The following INPP4B variants were observed in gnomAD, a reference collection of about 807,000 sequenced individuals.
The protein encoded by INPP4B is inositol polyphosphate 4-phosphatase type II.
In INPP4B, 55 loss-of-function variants were observed where a neutral mutation model predicts 122.5. The ratio of observed to expected loss-of-function variants is 0.45; its 90% CI spans 0.36 to 0.56. The LOEUF is 0.56. Ranked by LOEUF, INPP4B falls within the 20% of genes least tolerant of loss-of-function variation. INPP4B has a pLI of 0.00. For synonymous variants in INPP4B, 403 were observed against 388.7 expected (o/e 1.04, Z -0.43); for missense variants, 1,000 against 1,097.7 (o/e 0.91, Z 1.26).
At chr4:142,556,998 TGTCGTGAC>T (rs1400161256) in intron 2 of INPP4B, among the ~76,000 whole-genome samples, 1 of 152,186 alleles carries the variant, frequency 6.6e-6, no homozygotes, top group African/African-American at 2.4e-5. Context: ...AAAGCTGCCC[TGTCGTGAC>T]CACCGGAGGA....
At chr4:142,760,461 A>G (rs1289092752) in intron 1 of INPP4B, among the ~76,000 whole-genome samples, 1 of 152,172 alleles carries the variant, frequency 6.6e-6, no homozygotes, top group Non-Finnish European at 1.5e-5. Context: ...GACCAGCTGT[A>G]TACTTGAAGC....
chr4:142,343,095 T>C (rs1462567206), intron 7 of INPP4B, among the ~76,000 whole-genome samples: 4 of 152,094 alleles, frequency 2.6e-5, no homozygotes, highest in African/African-American at 9.7e-5. Flanking sequence ...TAAAATTTCA[T>C]CCATCCTCCA....
chr4:142,410,390 C>A (rs1477278128), intron 5 of INPP4B, among the ~76,000 whole-genome samples: 2 of 152,172 alleles, frequency 1.3e-5, no homozygotes, highest in East Asian at 3.9e-4. Flanking sequence ...TTTTCTCTTG[C>A]CTCACTCTTA....
Position 142,023,360 on chromosome 4 carries a change from C to A in INPP4B, c.*5422G>T, listed in dbSNP as rs892024591. On this transcript the variant is annotated 3_prime_UTR_variant, in exon 26 of 26. Coordinates refer to ENST00000262992, the MANE Select transcript of INPP4B (RefSeq NM_001101669.3). ...TATAACATAAAAAGAAAACAAATGC[C>A]AACCTTTCAGATGAGTACCACAAAA... 3 of 151,828 alleles carry A rather than the reference C, an allele frequency of 2.0e-5. No homozygotes were observed. The South Asian group carries it at 6.2e-4, about 32-fold the overall frequency. The allele number at this position is 151,828 out of a possible 1,614,324, so 9.4% of individuals were successfully genotyped here.
chr4:142,614,856 A>G (rs1246201862), intron 2 of INPP4B, among the ~76,000 whole-genome samples: 1 of 152,192 alleles, frequency 6.6e-6, no homozygotes, highest in Non-Finnish European at 1.5e-5. Flanking sequence ...ATCTTACCCT[A>G]GTCAGAATGA....
chr4:142,688,358 A>T (rs28673920), intron 2 of INPP4B, among the ~76,000 whole-genome samples: 16,373 of 152,046 alleles, frequency 0.11, 902 homozygotes, highest in South Asian at 0.15. Context: ...ATACACCATG[A>T]GTGATTTTTT....
chr4:142,661,961 C>T (rs925007497), intron 2 of INPP4B, among the ~76,000 whole-genome samples: 5 of 151,842 alleles, frequency 3.3e-5, no homozygotes, highest in African/African-American at 1.2e-4. Context: ...TGGCCGGGCA[C>T]GGTGGCTCAC....
chr4:142,749,736 AAAT>A (rs1371216409), intron 1 of INPP4B, among the ~76,000 whole-genome samples: 1 of 152,070 alleles, frequency 6.6e-6, no homozygotes, highest in Non-Finnish European at 1.5e-5. Context: ...GATTATATAA[AAAT>A]AATATTAAGG....
intron 7 of INPP4B, among the ~76,000 whole-genome samples, chr4:142,339,325 G>A (rs1307495111): frequency 1.3e-5 from 2 of 152,178 alleles, no homozygotes; most frequent in Non-Finnish European, 2.9e-5. Context: ...TGCAAAAGGA[G>A]AAGCAAAACA....
At chr4:142,573,761 C>T (rs1733314405) in intron 2 of INPP4B, among the ~76,000 whole-genome samples, 1 of 152,100 alleles carries the variant, frequency 6.6e-6, no homozygotes, top group Non-Finnish European at 1.5e-5. Context: ...ACGAAAAACA[C>T]CACTGAACAC....
chr4:142,069,791 T>G (rs544794523), intron 25 of INPP4B, among the ~76,000 whole-genome samples: 1 of 152,238 alleles, frequency 6.6e-6, no homozygotes, highest in East Asian at 1.9e-4. Context: ...CAGGAAGAAG[T>G]TGAATCCCTG....
chr4:142,449,249 A>G (rs1813613692), intron 3 of INPP4B, among the ~76,000 whole-genome samples: 1 of 152,194 alleles, frequency 6.6e-6, no homozygotes, highest in African/African-American at 2.4e-5. Flanking sequence ...CTGACAGCAA[A>G]CAGACAGAGA....
At chr4:142,378,677 C>T (rs1246932208) in intron 7 of INPP4B, among the ~76,000 whole-genome samples, 2 of 152,136 alleles carry the variant, frequency 1.3e-5, no homozygotes, top group African/African-American at 4.8e-5. Flanking sequence ...ACTATTTTGG[C>T]TTTTCTCAGC....
At chr4:142,672,438 T>A (rs76311036) in intron 2 of INPP4B, among the ~76,000 whole-genome samples, 2,028 of 152,252 alleles carry the variant, frequency 0.013, 21 homozygotes, top group Non-Finnish European at 0.02. Context: ...TTTGTTTGTT[T>A]GTTTGTTTCA....
At chr4:142,121,657 T>C (rs1227816833) in intron 21 of INPP4B, among the ~76,000 whole-genome samples, 1 of 152,090 alleles carries the variant, frequency 6.6e-6, no homozygotes, top group Non-Finnish European at 1.5e-5. Flanking sequence ...AGTCTGAGAG[T>C]GAATTGTCAA....
intron 23 of INPP4B, among the ~76,000 whole-genome samples, chr4:142,088,338 T>C (rs1044174182): frequency 6.6e-6 from 1 of 152,172 alleles, no homozygotes; most frequent in African/African-American, 2.4e-5. Context: ...TTAATGTTGA[T>C]AAATGGCAAC....
intron 25 of INPP4B, among the ~76,000 whole-genome samples, chr4:142,056,309 A>C (rs2152418128): frequency 6.6e-6 from 1 of 152,082 alleles, no homozygotes; most frequent in Admixed American, 6.6e-5. Context: ...AGTTTGAAAT[A>C]TTTTCTTTTA....
intron 1 of INPP4B, among the ~76,000 whole-genome samples, chr4:142,783,105 C>G (rs1775149744): frequency 6.6e-6 from 1 of 151,788 alleles, no homozygotes; most frequent in Non-Finnish European, 1.5e-5. Flanking sequence ...TAGGCATGGG[C>G]AAGGACTTCA....
chr4:142,175,246 T>C (rs1426562422), intron 15 of INPP4B, among the ~76,000 whole-genome samples: 1 of 152,126 alleles, frequency 6.6e-6, no homozygotes, highest in Non-Finnish European at 1.5e-5. Flanking sequence ...TTATTCCTCA[T>C]CTTGAAACCT....
Sources: allele counts gnomAD v4.1 joint callset (sites outside exome capture counted in the v4.1 genomes callset), GRCh38; gene constraint gnomAD v4.1.1; transcripts MANE v1.5; gene names NCBI Gene and HGNC (gene_info 2026-07-23, HGNC 2026-07-21).